DCLK1: variants seen among roughly 807,000 people sequenced by gnomAD.
DCLK1 encodes the protein doublecortin like kinase 1.
In DCLK1, 16 loss-of-function variants were observed where a neutral mutation model predicts 86.2. The observed-to-expected ratio is 0.19, with a 90% CI of 0.13 to 0.28. The LOEUF is 0.28. Ranked by LOEUF, DCLK1 falls within the 10% of genes least tolerant of loss-of-function variation. The pLI is 1.00. For missense variants in DCLK1, 590 were observed against 940.2 expected, an observed-to-expected ratio of 0.63 and a Z score of 4.87; for synonymous variants, 369 against 370.5, an observed-to-expected ratio of 1.00 and a Z score of 0.05.
chr13:35,866,317 T>C (rs1326420211), intron 5 of DCLK1, among the ~76,000 whole-genome samples: 1 of 152,200 alleles, frequency 6.6e-6, no homozygotes, highest in African/African-American at 2.4e-5. Context: ...GCCCGAAAAT[T>C]GTGCAGATCT....
intron 3 of DCLK1, among the ~76,000 whole-genome samples, chr13:36,014,053 G>C (rs561608464): frequency 2.6e-5 from 4 of 152,272 alleles, no homozygotes; most frequent in East Asian, 1.9e-4. Flanking sequence ...GCAATGCCTC[G>C]CCCTGCTTCG....
intron 16 of DCLK1, chr13:35,788,186 G>T: frequency 1.2e-6 from 2 of 1,610,696 alleles, no homozygotes; most frequent in Non-Finnish European, 1.7e-6. Flanking sequence ...TGGAAACACT[G>T]ACTGTTGAGC....
At chr13:35,793,330 T>TA (rs1166093508) in intron 16 of DCLK1, 36 bp downstream of exon 16, 2 of 1,563,698 alleles carry the variant, frequency 1.3e-6, no homozygotes, top group South Asian at 2.4e-5. Context: ...TGGGTTGCTT[T>TA]AAAAAAAGTT....
intron 3 of DCLK1, among the ~76,000 whole-genome samples, chr13:36,028,820 T>G (rs972448489): frequency 1.3e-5 from 2 of 152,184 alleles, no homozygotes; most frequent in African/African-American, 4.8e-5. Flanking sequence ...ATATGCTAAT[T>G]ATAATGCATT....
intron 8 of DCLK1, among the ~76,000 whole-genome samples, 179 bp from the exon 9 acceptor site, chr13:35,828,486 A>AC (rs570568477): frequency 7.2e-5 from 11 of 152,128 alleles, no homozygotes; most frequent in Non-Finnish European, 1.6e-4. Flanking sequence ...TGATGGACTG[A>AC]CCAAGTGTAA....
chr13:36,042,331 G>C (rs185601012), intron 3 of DCLK1, among the ~76,000 whole-genome samples: 1 of 152,166 alleles, frequency 6.6e-6, no homozygotes, highest in East Asian at 1.9e-4. Context: ...CTTTTTCATT[G>C]CAACCTGATT....
chr13:35,854,337 T>C (rs1461616574), intron 6 of DCLK1, among the ~76,000 whole-genome samples, 162 bp downstream of exon 6: 1 of 152,234 alleles, frequency 6.6e-6, no homozygotes, highest in Non-Finnish European at 1.5e-5. Context: ...CTAAAAGCCC[T>C]GAGTTCTAGC....
intron 3 of DCLK1, among the ~76,000 whole-genome samples, chr13:36,036,988 T>C (rs1882527090): frequency 6.6e-6 from 1 of 152,132 alleles, no homozygotes; most frequent in South Asian, 2.1e-4. Context: ...TCTAAGTTTC[T>C]ATCAATGGAT....
At chr13:35,826,822 C>T (rs1191378850) in intron 10 of DCLK1, among the ~76,000 whole-genome samples, 1 of 152,022 alleles carries the variant, frequency 6.6e-6, no homozygotes, top group Non-Finnish European at 1.5e-5. Flanking sequence ...CCTGAGGCGC[C>T]CCCTGGCGGT....
intron 8 of DCLK1, among the ~76,000 whole-genome samples, chr13:35,831,280 A>G (rs1258322471): frequency 6.6e-6 from 1 of 152,214 alleles, no homozygotes; most frequent in Non-Finnish European, 1.5e-5. Context: ...AAGCCACATA[A>G]TAAAATCCAT....
intron 7 of DCLK1, 139 bp from the exon 8 acceptor site, chr13:35,836,280 C>T (rs1869373025): frequency 1.5e-6 from 1 of 675,112 alleles, no homozygotes; most frequent in Non-Finnish European, 2.5e-6. Context: ...GAGGCAACTG[C>T]CTCCCCACCC....
intron 3 of DCLK1, among the ~76,000 whole-genome samples, chr13:36,085,557 G>T (rs9575256): frequency 0.17 from 26,494 of 152,088 alleles, 2,730 homozygotes; most frequent in East Asian, 0.44. Context: ...TCAACCATGA[G>T]GTTCCCATGA....
chr13:36,087,903 G>T (rs954283505), intron 3 of DCLK1, among the ~76,000 whole-genome samples: 1 of 152,218 alleles, frequency 6.6e-6, no homozygotes, highest in Non-Finnish European at 1.5e-5. Flanking sequence ...CACAAAACCT[G>T]TGGCTTTGTT....
At chr13:35,982,885 C>T (rs1041977170) in intron 3 of DCLK1, among the ~76,000 whole-genome samples, 12 of 151,936 alleles carry the variant, frequency 7.9e-5, no homozygotes, top group Admixed American at 4.6e-4. Context: ...CCTCAGCTTC[C>T]CAAGTAGCTA....
intron 3 of DCLK1, among the ~76,000 whole-genome samples, chr13:35,978,365 C>T (rs928499316): frequency 1.3e-5 from 2 of 151,622 alleles, no homozygotes; most frequent in African/African-American, 4.8e-5. Flanking sequence ...GACATCACGC[C>T]CGGCTAATTT....
rs371632591 is a variant in DCLK1, at chr13:35,995,393, G to A, written c.724-47936C>T. Among the ~76,000 whole-genome samples, 23 of 152,166 alleles carry A rather than the reference G, an allele frequency of 1.5e-4. No homozygotes were observed. In the South Asian group the frequency reaches 4.8e-3, roughly 32 times the overall value. ...TAGTATGGGGCAATATTTTTAATGG[G>A]CCACACCAAAATATAATAAAAGGAA... On this transcript the variant is annotated intron_variant, in intron 3 of 16. Coordinates refer to ENST00000360631, the MANE Select transcript of DCLK1 (RefSeq NM_001330071.2).
intron 4 of DCLK1, among the ~76,000 whole-genome samples, chr13:35,888,987 A>AT (rs144801177): frequency 0.03 from 4,620 of 152,248 alleles, 114 homozygotes; most frequent in Non-Finnish European, 0.041. Context: ...ACATGGCAGA[A>AT]TTTTTTTCCT....
At chr13:35,951,581 G>C (rs959934282) in intron 3 of DCLK1, among the ~76,000 whole-genome samples, 78 of 151,624 alleles carry the variant, frequency 5.1e-4, no homozygotes, top group African/African-American at 1.9e-3. Context: ...TGATCAATAC[G>C]TGTTTACTGA....
At chr13:35,849,373 T>A (rs528795920) in intron 6 of DCLK1, 3 of 984,952 alleles carry the variant, frequency 3.0e-6, no homozygotes, top group Admixed American at 6.2e-5. Flanking sequence ...AAAAAAATCA[T>A]GTAAAAGCCT....
Sources: gnomAD v4.1 joint callset for allele counts (sites outside exome capture counted in the v4.1 genomes callset) on GRCh38, gnomAD v4.1.1 for gene constraint, MANE v1.5 for transcripts, NCBI Gene and HGNC (gene_info 2026-07-23, HGNC 2026-07-21) for gene names.